RANBP17: variants seen among roughly 807,000 people sequenced by gnomAD.
RANBP17 encodes ran-binding protein 17.
A neutral mutation model predicts 141.2 loss-of-function variants in RANBP17; 158 were observed. The ratio of observed to expected loss-of-function variants is 1.12; its 90% CI spans 0.98 to 1.28. The LOEUF (loss-of-function observed/expected upper bound fraction) is 1.28. Among genes scored for constraint, RANBP17 ranks in the 50% most tolerant of loss-of-function variants. The pLI is 0.00. For missense variants in RANBP17, 1,438 were observed against 1,290.7 expected (o/e 1.11, Z -1.75); for synonymous variants, 430 against 450.0 (o/e 0.96, Z 0.56).
chr5:170,903,672 A>C (rs1770845646), intron 5 of RANBP17: 2 of 282,072 alleles, frequency 7.1e-6, no homozygotes, highest in African/African-American at 4.6e-5. Context: ...ATGAGCAAGC[A>C]GACTGTGTGT....
chr5:171,245,947 C>T (rs1581109673), intron 24 of RANBP17, among the ~76,000 whole-genome samples: 1 of 148,374 alleles, frequency 6.7e-6, no homozygotes, highest in Admixed American at 6.8e-5. Flanking sequence ...GGCATGATCT[C>T]GGCTCACTGC....
intron 24 of RANBP17, chr5:171,252,724 G>A: frequency 2.1e-6 from 3 of 1,451,712 alleles, no homozygotes; most frequent in Non-Finnish European, 2.9e-6. Flanking sequence ...CCTTGTTGCT[G>A]TTGTGGTTCA....
intron 14 of RANBP17, among the ~76,000 whole-genome samples, chr5:171,011,949 C>G (rs1780066869): frequency 6.6e-6 from 1 of 151,640 alleles, no homozygotes; most frequent in South Asian, 2.1e-4. Context: ...TTTGAAAAGT[C>G]CAAGCCACTG....
chr5:171,298,927 A>T lies in RANBP17; in HGVS notation c.*69A>T. 2 of 1,233,292 alleles carry T rather than the reference A, an allele frequency of 1.6e-6. No individual in the cohort carries two copies. The highest frequency in any genetic ancestry group is 3.5e-5 in the Admixed American group (2 of 57,340). 76.4% of individuals were successfully genotyped at this position (1,233,292 alleles called of 1,614,324 possible). On this transcript the variant is annotated 3_prime_UTR_variant, in exon 28 of 28. Coordinates refer to ENST00000523189, the MANE Select transcript of RANBP17 (RefSeq NM_022897.5). ...CTCCTGAAGGTCTGGGTCTCAGGAC[A>T]GTGATGTTGGCTAGCCCAGGGGAAT...
chr5:171,021,113 G>C (rs1309653262), intron 14 of RANBP17, among the ~76,000 whole-genome samples: 2 of 152,100 alleles, frequency 1.3e-5, no homozygotes, highest in Non-Finnish European at 2.9e-5. Flanking sequence ...CACTCTTCTG[G>C]CTTATAGGGT....
chr5:170,878,159 A>C lies in RANBP17; in HGVS notation c.81A>C (p.Arg27Ser). ...ACATAGGGACTGATCTTACACAAAG[A>C]ATAGAGGCTGAGAAAGCACTCTTGG... ...HLYIGTDLTQRIEAEKALLEL... is the reference protein window; with the variant it reads ...HLYIGTDLTQSIEAEKALLEL... The change falls in exon 2 of 28, where the codon AGA becomes AGC. Residue 27 changes from arginine to serine, a missense_variant. Transcript: ENST00000523189. 1.2e-6 allele frequency: 2 copies of C among 1,613,054 alleles called. No individual in the cohort carries two copies. Among genetic ancestry groups the C allele is most frequent in the Non-Finnish European group, 1.7e-6 (2 of 1,179,432 alleles).
intron 14 of RANBP17, among the ~76,000 whole-genome samples, chr5:171,067,158 C>T (rs984241595): frequency 5.3e-5 from 8 of 151,994 alleles, no homozygotes; most frequent in Admixed American, 4.6e-4. Flanking sequence ...TTCTCCAATT[C>T]ATTTTGTATA....
At chr5:171,003,673 T>C (rs979067249) in intron 14 of RANBP17, among the ~76,000 whole-genome samples, 2 of 152,046 alleles carry the variant, frequency 1.3e-5, no homozygotes, top group African/African-American at 2.4e-5. Flanking sequence ...ATCAGTATAT[T>C]GAATAAGGTG....
At chr5:171,179,062 A>G (rs1760710298) in intron 16 of RANBP17, among the ~76,000 whole-genome samples, 3 of 152,122 alleles carry the variant, frequency 2.0e-5, no homozygotes, top group African/African-American at 7.2e-5. Flanking sequence ...TTTTGTTGCC[A>G]TTACTTTTGA....
intron 16 of RANBP17, among the ~76,000 whole-genome samples, chr5:171,173,555 T>G (rs1760241636): frequency 6.6e-6 from 1 of 152,120 alleles, no homozygotes; most frequent in African/African-American, 2.4e-5. Flanking sequence ...TTACTCAGTG[T>G]TTATGGTGCT....
chr5:171,027,337 T>C (rs1781295492), intron 14 of RANBP17, among the ~76,000 whole-genome samples: 1 of 152,246 alleles, frequency 6.6e-6, no homozygotes, highest in Non-Finnish European at 1.5e-5. Flanking sequence ...CTTTCAGCAT[T>C]GGCAGATTCA....
intron 5 of RANBP17, among the ~76,000 whole-genome samples, chr5:170,901,897 G>C (rs551819633): frequency 6.6e-6 from 1 of 152,348 alleles, no homozygotes; most frequent in Non-Finnish European, 1.5e-5. Flanking sequence ...TCTGCTGTTA[G>C]TCTGATGGGC....
At chr5:170,980,534 C>T (rs1777693054) in intron 14 of RANBP17, among the ~76,000 whole-genome samples, 1 of 152,170 alleles carries the variant, frequency 6.6e-6, no homozygotes, top group Non-Finnish European at 1.5e-5. Context: ...GCAGCTGCTC[C>T]AGCTGTGGCT....
intron 1 of RANBP17, among the ~76,000 whole-genome samples, chr5:170,864,471 C>T (rs1413049434): frequency 6.6e-6 from 1 of 152,194 alleles, no homozygotes; most frequent in Non-Finnish European, 1.5e-5. Flanking sequence ...GGATCAATAT[C>T]TCAGGCATAC....
At chr5:171,257,083 A>G (rs976464887) in intron 24 of RANBP17, among the ~76,000 whole-genome samples, 1 of 152,208 alleles carries the variant, frequency 6.6e-6, no homozygotes, top group African/African-American at 2.4e-5. Context: ...TGAGGTCACT[A>G]TCACCCTGGT....
chr5:171,012,836 CAA>C (rs935610052), intron 14 of RANBP17, among the ~76,000 whole-genome samples: 1 of 152,076 alleles, frequency 6.6e-6, no homozygotes, highest in African/African-American at 2.4e-5. Flanking sequence ...CTTTTAAAAA[CAA>C]ATGTATATGG....
chr5:171,086,587 T>C (rs1785677964), intron 14 of RANBP17, among the ~76,000 whole-genome samples: 1 of 143,198 alleles, frequency 7.0e-6, no homozygotes, highest in Non-Finnish European at 1.5e-5. Flanking sequence ...TGAATCCATC[T>C]GGTCCTGGAC....
At chr5:171,095,615 G>A (rs1786632202) in intron 14 of RANBP17, among the ~76,000 whole-genome samples, 2 of 152,266 alleles carry the variant, frequency 1.3e-5, no homozygotes, top group Admixed American at 6.5e-5. Context: ...AGTGAGCTTT[G>A]GAAGGTTGTA....
intron 14 of RANBP17, among the ~76,000 whole-genome samples, chr5:171,157,231 AGCTT>A (rs1758969111): frequency 6.6e-6 from 1 of 152,170 alleles, no homozygotes; most frequent in African/African-American, 2.4e-5. Flanking sequence ...AATAATTTTC[AGCTT>A]GCTTCTCTGG....
Sources: allele counts gnomAD v4.1 joint callset (sites outside exome capture counted in the v4.1 genomes callset), GRCh38; gene constraint gnomAD v4.1.1; transcripts MANE v1.5; gene names NCBI Gene and HGNC (gene_info 2026-07-23, HGNC 2026-07-21).